IL2RA: variants seen among roughly 807,000 people sequenced by gnomAD.
The protein encoded by IL2RA is interleukin 2 receptor subunit alpha.
In IL2RA, 24 loss-of-function variants were observed where a neutral mutation model predicts 37.8. That is an observed-to-expected ratio of 0.63 (90% CI 0.46 to 0.89). The LOEUF is 0.89. Among genes scored for constraint, IL2RA ranks in the 40% least tolerant of loss-of-function variants. IL2RA has a pLI of 0.00. For synonymous variants in IL2RA, 125 were observed against 114.6 expected (o/e 1.09, Z -0.58); for missense variants, 319 against 348.6 (o/e 0.92, Z 0.68).
intron 1 of IL2RA, among the ~76,000 whole-genome samples, chr10:6,050,554 G>T (rs1301316220): frequency 6.6e-6 from 1 of 152,182 alleles, no homozygotes; most frequent in African/African-American, 2.4e-5. Flanking sequence ...TGAGGCATGA[G>T]AATCTCTTGA....
intron 1 of IL2RA, among the ~76,000 whole-genome samples, chr10:6,031,463 T>C (rs1264193448): frequency 5.6e-4 from 6 of 10,798 alleles, no homozygotes; most frequent in African/African-American, 1.6e-3. Context: ...TACATATATA[T>C]ATATATATAT....
Position 6,025,876 on chromosome 10 carries a change from T to C in IL2RA, c.214A>G (p.Ser72Gly). The change falls in exon 2 of 8, where the codon AGC becomes GGC. Residue 72 changes from serine (S) to glycine (G), a missense_variant. By Grantham distance (56) the Ser-to-Gly change is moderately conservative. Transcript: ENST00000379959. This position sits in a 1 kb window ranked among gnomAD's most constrained non-coding sequence, Gnocchi z 4.4. Reference protein sequence around the residue: ...SLYMLCTGNSSHSSWDNQCQC... With the variant: ...SLYMLCTGNSGHSSWDNQCQC... ...CATTGGTTGTCCCAGGACGAGTGGC[T>C]AGAGTTTCCTGTACAGAGCATATAG... 6.2e-7 allele frequency: 1 copy of C among 1,614,224 alleles called. No individual in the cohort carries two copies. Among genetic ancestry groups the C allele is most frequent in the South Asian group, 1.1e-5 (1 of 91,086 alleles).
intron 1 of IL2RA, among the ~76,000 whole-genome samples, chr10:6,037,755 A>G (rs1488043441): frequency 1.3e-5 from 2 of 152,128 alleles, no homozygotes; most frequent in Admixed American, 6.5e-5. Context: ...TGTCTGTAAT[A>G]TGAAATGAAA....
intron 1 of IL2RA, among the ~76,000 whole-genome samples, chr10:6,042,845 A>T (rs1839792875): frequency 2.0e-5 from 3 of 152,214 alleles, no homozygotes; most frequent in Admixed American, 2.0e-4. Context: ...AAAAAATGTT[A>T]AAATTTCCCT....
At chr10:6,061,985 C>G in intron 1 of IL2RA, 103 bp downstream of exon 1, 1 of 981,112 alleles carries the variant, frequency 1.0e-6, no homozygotes, top group South Asian at 1.3e-5. Flanking sequence ...ATTCAACTCC[C>G]TTCTTGGAAC....
intron 1 of IL2RA, among the ~76,000 whole-genome samples, chr10:6,049,960 G>C (rs537522875): frequency 6.6e-6 from 1 of 152,166 alleles, no homozygotes; most frequent in Non-Finnish European, 1.5e-5. Context: ...AAATGAGGAG[G>C]TTCCCTTTGA....
chr10:6,059,796 C>T (rs1324464375), intron 1 of IL2RA, among the ~76,000 whole-genome samples: 1 of 152,132 alleles, frequency 6.6e-6, no homozygotes, highest in East Asian at 1.9e-4. Context: ...ACATGTCATC[C>T]TCATGAAGCC....
At chr10:6,043,973 C>T (rs775529951) in intron 1 of IL2RA, among the ~76,000 whole-genome samples, 1 of 152,206 alleles carries the variant, frequency 6.6e-6, no homozygotes, top group Non-Finnish European at 1.5e-5. Context: ...TAGTTCAGGG[C>T]CTTTTCCTTC....
intron 1 of IL2RA, among the ~76,000 whole-genome samples, chr10:6,043,559 C>T (rs1357418964): frequency 3.3e-5 from 5 of 152,108 alleles, no homozygotes; most frequent in Admixed American, 3.3e-4. Flanking sequence ...CTGCCTCAGC[C>T]CCCCAAGAAG....
chr10:6,037,102 G>A (rs1161298411), intron 1 of IL2RA, among the ~76,000 whole-genome samples: 1 of 152,166 alleles, frequency 6.6e-6, no homozygotes, highest in East Asian at 1.9e-4. Flanking sequence ...TCCCTCCAGT[G>A]CACAGTGAGT....
At chr10:6,043,244 A>G (rs112016955) in intron 1 of IL2RA, among the ~76,000 whole-genome samples, 5 of 152,352 alleles carry the variant, frequency 3.3e-5, no homozygotes, top group African/African-American at 1.2e-4. Context: ...TGAGTGAAAA[A>G]AGCAAAGTTG....
Position 6,033,789 on chromosome 10 carries a change from G to T in IL2RA, c.65-7764C>A, listed in dbSNP as rs2132871414. ...AGACAGTGGTTTCTTGTGGTAGGTG[G>T]GTATTGACCAGAAGGCAGAAGTGAT... On this transcript the variant is annotated intron_variant, in intron 1 of 7. Coordinates refer to ENST00000379959, the MANE Select transcript of IL2RA (RefSeq NM_000417.3). This position sits in a 1 kb window ranked among gnomAD's most constrained non-coding sequence, Gnocchi z 4.3. Among the ~76,000 whole-genome samples, 1 of 152,302 alleles carries T rather than the reference G, an allele frequency of 6.6e-6. No individual in the cohort carries two copies. The highest frequency in any genetic ancestry group is 2.1e-4 in the South Asian group (1 of 4,822).
In IL2RA at chr10:6,036,049, G is replaced by T. The variant is rs1048087005; in HGVS notation, c.65-10024C>A. 6.6e-6 allele frequency: 1 copy of T among 152,312 alleles called. No homozygotes were observed. Among genetic ancestry groups the T allele is most frequent in the African/African-American group, 2.4e-5 (1 of 41,460 alleles). The allele number at this position is 152,312 out of a possible 1,614,324, so 9.4% of individuals were successfully genotyped here. On this transcript the variant is annotated intron_variant, in intron 1 of 7. Transcript: ENST00000379959. The surrounding 1 kb of genome is among the most constrained non-coding windows in gnomAD (Gnocchi z 6.1). ...GACGGAGAGCCACCTCCTCTGGAAT[G>T]CATCATGGAACAGGTCTGGGAGAAC...
intron 1 of IL2RA, among the ~76,000 whole-genome samples, chr10:6,051,817 C>CTATATATATATATATATA (rs61008683): frequency 0.051 from 1,713 of 33,498 alleles, 312 homozygotes; most frequent in African/African-American, 0.063. Flanking sequence ...TCATGCCCAG[C>CTATATATATATATATATA]TATATATATA....
rs77351522 is a variant in IL2RA, at chr10:6,054,313, A to C, written c.64+7775T>G. The stretch of plus-strand genomic sequence containing the variant: ...GGGCTGGGTCAGGAAAAAAATGTGG[A>C]GGTAGGGAAACAAGACCCAGGAACT... On this transcript the variant is annotated intron_variant, in intron 1 of 7. Transcript: ENST00000379959. This position sits in a 1 kb window ranked among gnomAD's most constrained non-coding sequence, Gnocchi z 4.5. Among the ~76,000 whole-genome samples the C allele has an allele frequency of 2.9e-4, 44 of 152,120 alleles. No individual in the cohort carries two copies. Among genetic ancestry groups the C allele is most frequent in the Non-Finnish European group, 5.1e-4 (35 of 67,994 alleles).
rs979148208 is a variant in IL2RA at position 6,025,953 on chromosome 10, A to C, written c.137T>G (p.Met46Arg). The C allele has an allele frequency of 6.2e-7, 1 of 1,614,146 alleles. No homozygotes were observed. Among genetic ancestry groups the C allele is most frequent in the Non-Finnish European group, 8.5e-7 (1 of 1,180,032 alleles). The change falls in exon 2 of 8, where the codon ATG becomes AGG. Residue 46 changes from methionine (M) to arginine (R), a missense_variant. Transcript: ENST00000379959. This position sits in a 1 kb window ranked among gnomAD's most constrained non-coding sequence, Gnocchi z 4.4. ...ACCTCTCTTGCATTCACAGTTCAAC[A>C]TGGTTCCTTCCTTGTAGGCCATGGC... Reference protein sequence around the residue: ...FKAMAYKEGTMLNCECKRGFR... With the variant: ...FKAMAYKEGTRLNCECKRGFR...
chr10:6,019,771 C>G, intron 5 of IL2RA, 99 bp downstream of exon 5: 1 of 1,151,550 alleles, frequency 8.7e-7, no homozygotes, highest in Non-Finnish European at 1.3e-6. Flanking sequence ...GGCTTCTCCC[C>G]TACAGGTCAC....
At chr10:6,051,250 G>A (rs1044894537) in intron 1 of IL2RA, among the ~76,000 whole-genome samples, 27 of 152,086 alleles carry the variant, frequency 1.8e-4, no homozygotes, top group African/African-American at 3.9e-4. Flanking sequence ...AAGCCACCAG[G>A]CCTGCCCCCA....
In IL2RA at chr10:6,025,895, CA is replaced by C; in HGVS notation, c.194del (p.Met65SerfsTer30). 1.2e-6 allele frequency: 2 copies of C among 1,614,218 alleles called. No individual in the cohort carries two copies. Among genetic ancestry groups the C allele is most frequent in the Non-Finnish European group, 1.7e-6 (2 of 1,180,046 alleles). On this transcript the variant is annotated frameshift_variant, in exon 2 of 8. Coordinates refer to ENST00000379959, the MANE Select transcript of IL2RA (RefSeq NM_000417.3). LOFTEE classifies it high-confidence loss of function. This position sits in a 1 kb window ranked among gnomAD's most constrained non-coding sequence, Gnocchi z 4.4. ...FRRIKSGSLY[M>X]LCTGNSSHSS... ...AGTGGCTAGAGTTTCCTGTACAGAG[CA>C]TATAGAGTGACCCGCTTTTTATTCT...
Sources: allele counts gnomAD v4.1 joint callset (sites outside exome capture counted in the v4.1 genomes callset), GRCh38; gene constraint gnomAD v4.1.1; non-coding constraint Gnocchi (gnomAD v3.1); transcripts MANE v1.5; gene names NCBI Gene and HGNC (gene_info 2026-07-23, HGNC 2026-07-21).